MOGAT1: variants seen among roughly 807,000 people sequenced by gnomAD.
The protein encoded by MOGAT1 is monoacylglycerol O-acyltransferase 1, also known as 2-acylglycerol O-acyltransferase 1.
MOGAT1 carries 32 observed loss-of-function variants against 31.4 expected under a neutral mutation model. That is an observed-to-expected ratio of 1.02 (90% CI 0.77 to 1.37). MOGAT1 has a LOEUF of 1.37. MOGAT1 is among the 40% of genes most tolerant of loss of function. MOGAT1 has a pLI of 0.00. For missense variants in MOGAT1, 426 were observed against 402.0 expected (o/e 1.06, Z -0.51); for synonymous variants, 145 against 144.5 (o/e 1.00, Z -0.03).
At chr2:222,698,614 G>C (rs370923434) in intron 5 of MOGAT1, 2 of 152,228 alleles carry the variant, frequency 1.3e-5, no homozygotes, top group African/African-American at 4.8e-5. Flanking sequence ...GTCGCAGCTG[G>C]AGAGTCAATC....
chr2:222,692,169 T>G (rs1692772290), intron 3 of MOGAT1, among the ~76,000 whole-genome samples: 1 of 152,158 alleles, frequency 6.6e-6, no homozygotes, highest in African/African-American at 2.4e-5. Context: ...GCCTGGAGAC[T>G]GATGATGGAA....
At chr2:222,701,435 AGAG>A (rs1301796354) in intron 5 of MOGAT1, among the ~76,000 whole-genome samples, 1 of 149,594 alleles carries the variant, frequency 6.7e-6, no homozygotes, top group Non-Finnish European at 1.5e-5. Flanking sequence ...AGAAAGAAAG[AGAG>A]GAGAGAAAGG....
At chr2:222,693,583 A>G (rs571878681) in intron 3 of MOGAT1, among the ~76,000 whole-genome samples, 2 of 151,922 alleles carry the variant, frequency 1.3e-5, no homozygotes, top group African/African-American at 4.8e-5. Context: ...CCTCATAATC[A>G]TGGTGGAAGG....
chr2:222,673,777 A>G (rs994232249), intron 1 of MOGAT1, among the ~76,000 whole-genome samples: 3 of 152,338 alleles, frequency 2.0e-5, no homozygotes, highest in Admixed American at 2.0e-4. Flanking sequence ...CATTGCTTGT[A>G]TCTGTGTATG....
intron 5 of MOGAT1, among the ~76,000 whole-genome samples, chr2:222,707,395 AAGAG>A (rs1559235596): frequency 2.1e-5 from 3 of 146,272 alleles, no homozygotes; most frequent in South Asian, 4.7e-4. Flanking sequence ...AGAAAAGAGA[AAGAG>A]GGAGGGAAGG....
chr2:222,687,113 C>CAAAAAAAAAAAAA (rs1177781176), intron 1 of MOGAT1, among the ~76,000 whole-genome samples: 8 of 22,442 alleles, frequency 3.6e-4, no homozygotes, highest in Non-Finnish European at 5.0e-4. Context: ...GACTCCATCT[C>CAAAAAAAAAAAAA]AAAAAAAAAA....
At chr2:222,702,391 T>C (rs937445131) in intron 5 of MOGAT1, among the ~76,000 whole-genome samples, 26 of 152,216 alleles carry the variant, frequency 1.7e-4, no homozygotes, top group Admixed American at 1.7e-3. Flanking sequence ...TGTTGTTATA[T>C]AGGACATTGT....
rs192632365 is a variant in MOGAT1 at position 222,704,481 on chromosome 2, G to A, written c.854-5255G>A. 3.8e-3 allele frequency among the ~76,000 whole-genome samples: 571 copies of A among 152,142 alleles called. 2 individuals are homozygous for A. Among genetic ancestry groups the A allele is most frequent in the African/African-American group, 0.013 (530 of 41,508 alleles). ...CTACTAAAAATACAAAAAATTAGCC[G>A]GGCGTGGTGGTGGACGCCTGTAGTC... On this transcript the variant is annotated intron_variant, in intron 5 of 5. Transcript: ENST00000446656.
At chr2:222,700,040 C>A (rs1014687621) in intron 5 of MOGAT1, among the ~76,000 whole-genome samples, 4 of 152,166 alleles carry the variant, frequency 2.6e-5, no homozygotes, top group African/African-American at 9.7e-5. Context: ...ACTTTTTTGG[C>A]ATAACATTCA....
intron 1 of MOGAT1, among the ~76,000 whole-genome samples, chr2:222,681,925 T>C (rs1182641752): frequency 6.6e-6 from 1 of 152,224 alleles, no homozygotes; most frequent in Non-Finnish European, 1.5e-5. Context: ...CAAATATTAT[T>C]ATGTCACAGA....
intron 5 of MOGAT1, among the ~76,000 whole-genome samples, chr2:222,706,649 GAGA>G (rs1377324429): frequency 1.3e-5 from 2 of 152,146 alleles, no homozygotes; most frequent in African/African-American, 2.4e-5. Context: ...AAAGTAAGCA[GAGA>G]AGAACACACT....
chr2:222,695,368 G>C, intron 5 of MOGAT1, 80 bp downstream of exon 5: 1 of 961,096 alleles, frequency 1.0e-6, no homozygotes. Flanking sequence ...TAATGCAAGG[G>C]AAGTGGCTTT....
intron 5 of MOGAT1, among the ~76,000 whole-genome samples, chr2:222,707,184 T>C (rs1693014145): frequency 7.0e-6 from 1 of 142,110 alleles, no homozygotes; most frequent in Non-Finnish European, 1.5e-5. Flanking sequence ...AGAGCAAGAC[T>C]CCATTTCAGA....
chr2:222,687,237 G>T (rs982972347), intron 1 of MOGAT1, among the ~76,000 whole-genome samples: 8 of 151,512 alleles, frequency 5.3e-5, no homozygotes, highest in African/African-American at 1.9e-4. Context: ...CAGATTAAAC[G>T]CTATTTCTCA....
chr2:222,681,000 G>C (rs186797830), intron 1 of MOGAT1, among the ~76,000 whole-genome samples: 2 of 152,188 alleles, frequency 1.3e-5, no homozygotes, highest in Non-Finnish European at 2.9e-5. Flanking sequence ...AGCGACAAGA[G>C]AGGGAAAATC....
intron 1 of MOGAT1, among the ~76,000 whole-genome samples, chr2:222,676,123 C>T (rs1692494074): frequency 6.6e-6 from 1 of 151,600 alleles, no homozygotes; most frequent in African/African-American, 2.4e-5. Context: ...GGCCCCCAAC[C>T]CCCCTTCCCA....
At chr2:222,698,189 TG>T (rs761531128) in intron 5 of MOGAT1, among the ~76,000 whole-genome samples, 2 of 152,226 alleles carry the variant, frequency 1.3e-5, no homozygotes, top group Non-Finnish European at 2.9e-5. Context: ...TAGTACAATC[TG>T]GGGAGTAATT....
At chr2:222,671,971 C>CT (rs1559226176) in intron 1 of MOGAT1, 92 bp downstream of exon 1, 1 of 1,021,630 alleles carries the variant, frequency 9.8e-7, no homozygotes, top group Non-Finnish European at 1.5e-6. Context: ...AACCTTCCAA[C>CT]CCTCGTTCCC....
At chr2:222,689,998 T>C (rs570564833) in intron 3 of MOGAT1, among the ~76,000 whole-genome samples, 1 of 152,374 alleles carries the variant, frequency 6.6e-6, no homozygotes, top group South Asian at 2.1e-4. Flanking sequence ...CTCACGCCTG[T>C]AATCCCAGCA....
Sources: allele counts gnomAD v4.1 joint callset (sites outside exome capture counted in the v4.1 genomes callset), GRCh38; gene constraint gnomAD v4.1.1; transcripts MANE v1.5; gene names NCBI Gene and HGNC (gene_info 2026-07-23, HGNC 2026-07-21).